POTEI: variants seen among roughly 807,000 people sequenced by gnomAD.
POTEI encodes the protein POTE ankyrin domain family member I, also known as POTE ankyrin domain family, member I.
POTEI carries 14 observed loss-of-function variants against 43.4 expected under a neutral mutation model. The ratio of observed to expected loss-of-function variants is 0.32; its 90% CI spans 0.21 to 0.50. The LOEUF (loss-of-function observed/expected upper bound fraction) is 0.50. Among genes scored for constraint, POTEI ranks in the 20% least tolerant of loss-of-function variants. The probability of loss-of-function intolerance (pLI) is 0.98; values close to 1 mark genes in which losing one functional copy is unlikely to be tolerated. For synonymous variants in POTEI, 95 were observed against 297.9 expected (o/e 0.32, Z 7.01); for missense variants, 235 against 795.4 (o/e 0.30, Z 8.47).
At chr2:130,468,444 G>A (rs1345368483) in intron 13 of POTEI, among the ~76,000 whole-genome samples, 1 of 152,212 alleles carries the variant, frequency 6.6e-6, no homozygotes, top group Non-Finnish European at 1.5e-5. Flanking sequence ...GAGGCCTCAG[G>A]AAACTTAACA....
chr2:130,474,023 C>T (rs1300064269), intron 13 of POTEI, among the ~76,000 whole-genome samples: 5 of 143,700 alleles, frequency 3.5e-5, no homozygotes, highest in Non-Finnish European at 6.0e-5. Flanking sequence ...AACTACCTTT[C>T]GAGTATTTTG....
Position 130,477,042 on chromosome 2 carries a change from C to T in POTEI, c.1481-341G>A, listed in dbSNP as rs576304085. Among the ~76,000 whole-genome samples the T allele has an allele frequency of 1.7e-4, 25 of 149,156 alleles. No homozygotes were observed. The East Asian group carries it at 3.9e-3, about 23-fold the overall frequency. ...ACTGTTCTCCACTTCCTAATAGTAC[C>T]TTATAAATGATTTCCAAAATCACTG... On this transcript the variant is annotated intron_variant, in intron 10 of 14. Coordinates refer to ENST00000451531, the MANE Select transcript of POTEI (RefSeq NM_001277406.2).
In POTEI at chr2:130,479,399, C is replaced by T. The variant is rs1248539996; in HGVS notation, c.1480+2604G>A. 3.9e-4 allele frequency among the ~76,000 whole-genome samples: 41 copies of T among 105,598 alleles called. 1 individual carries two copies. The highest frequency in any genetic ancestry group is 1.3e-3 in the African/African-American group (34 of 26,854). The allele number at this position is 105,598 out of a possible 152,430, so 69.3% of individuals were successfully genotyped here. On this transcript the variant is annotated intron_variant, in intron 10 of 14. Transcript: ENST00000451531. ...GTGAAAACCTTATAATACATTGATG[C>T]TACTCCAAGGATGTGTAACATGGAA...
At chr2:130,495,297 AATG>A (rs1316982703) in intron 6 of POTEI, among the ~76,000 whole-genome samples, 1 of 47,024 alleles carries the variant, frequency 2.1e-5, no homozygotes, top group African/African-American at 4.7e-5. Context: ...TGAAAATGGC[AATG>A]ATAAGAAAAA....
At chr2:130,476,569 C>A (rs1308035957) in intron 11 of POTEI, 62 bp downstream of exon 11, 1 of 77,828 alleles carries the variant, frequency 1.3e-5, no homozygotes, top group Admixed American at 2.2e-4. Context: ...GGACTATCTA[C>A]TATTATTAAG....
rs752779591 is a variant in POTEI at position 130,508,908 on chromosome 2, T to C, written c.328A>G (p.Arg110Gly). Residue 110 changes from arginine to glycine, a missense_variant, in exon 1 of 15, where the codon AGG becomes GGG. Transcript: ENST00000451531. ...CCCACGTTGCTCTTGCCGCTCCCCC[T>C]GCAGCAGGGGAAGCAGTGGCAGCAC... ...KWCCHCFPCC[R>G]GSGKSNVGAW... 75 of 1,593,222 alleles carry C rather than the reference T, an allele frequency of 4.7e-5. 4 individuals carry two copies. The Admixed American group carries it at 5.3e-4, about 11-fold the overall frequency.
chr2:130,488,193 T>G lies in POTEI; in HGVS notation c.1248A>C (p.Glu416Asp). Residue 416 changes from glutamate to aspartate, a missense_variant, in exon 9 of 15, where the codon GAA (glutamate) becomes GAC (aspartate). Glu to Asp is a conservative substitution (Grantham distance 45, BLOSUM62 2). Transcript: ENST00000451531. ...TACTTTCATGCTTCTTCATTTCTTC[T>G]TCAACCTTGAGTGGGATATTAAGGA... The part of the protein sequence containing the change: ...EINKDGDREV[E>D]EEMKKHESNN... 5.6e-6 allele frequency: 1 copy of G among 177,890 alleles called. No individual in the cohort carries two copies. The highest frequency in any genetic ancestry group is 9.6e-6 in the Non-Finnish European group (1 of 104,612). The allele number at this position is 177,890 out of a possible 1,614,324, so 11.0% of individuals were successfully genotyped here.
At chr2:130,474,835 T>C (rs1353570729) in intron 12 of POTEI, 72 bp downstream of exon 12, 4 of 239,524 alleles carry the variant, frequency 1.7e-5, no homozygotes, top group Middle Eastern at 2.5e-3. Flanking sequence ...TATGCCTACA[T>C]TTACTACACT....
chr2:130,498,007 T>C (rs925508291), intron 5 of POTEI, among the ~76,000 whole-genome samples: 1 of 138,690 alleles, frequency 7.2e-6, no homozygotes, highest in Non-Finnish European at 1.6e-5. Context: ...GAGATGGAAG[T>C]AGCTTCCACG....
At position 130,509,002 on chromosome 2, in the gene POTEI, G is replaced by A. The variant is rs1404743336; in HGVS notation, c.234C>T (p.Ser78=). The change falls in exon 1 of 15, where the codon AGC becomes AGT. Residue 78 remains serine (S), a synonymous_variant. Coordinates refer to ENST00000451531, the MANE Select transcript of POTEI (RefSeq NM_001277406.2). ...CGTGGTCTCCAGAAGTGCCCACGTT[G>A]CTCTTGCCACTCCCCCTGCAGCAGG... ...CFPCCRGSGK[S]NVGTSGDHDD... is the part of the protein sequence containing the mutation. 1.3e-6 allele frequency: 2 copies of A among 1,518,852 alleles called. 1 individual carries two copies. Among genetic ancestry groups the A allele is most frequent in the East Asian group, 4.7e-5 (2 of 42,992 alleles). The allele number at this position is 1,518,852 out of a possible 1,614,324, so 94.1% of individuals were successfully genotyped here.
chr2:130,483,756 G>T (rs995299416), intron 9 of POTEI, among the ~76,000 whole-genome samples: 2 of 148,928 alleles, frequency 1.3e-5, no homozygotes, highest in Non-Finnish European at 3.0e-5. Flanking sequence ...CACCACACCC[G>T]GTTAATTTTT....
intron 5 of POTEI, among the ~76,000 whole-genome samples, chr2:130,498,323 G>T (rs1443771053): frequency 2.8e-5 from 1 of 35,164 alleles, no homozygotes; most frequent in African/African-American, 9.1e-5. Context: ...TAAGATGTGG[G>T]TTCCACATTA....
chr2:130,464,983 G>A (rs1473540531), intron 14 of POTEI, among the ~76,000 whole-genome samples: 1 of 148,276 alleles, frequency 6.7e-6, no homozygotes, highest in Non-Finnish European at 1.5e-5. Context: ...ACAACTTATA[G>A]AGATTTTCTT....
At position 130,461,602 on chromosome 2, in the gene POTEI, T is replaced by A. The variant is rs1165298478; in HGVS notation, c.*1214A>T. ...TGGGGGCCTGCCCCTCTCCGGGAGC[T>A]CTGTCCCAGGAACATTTCACATTTC... On this transcript the variant is annotated 3_prime_UTR_variant, in exon 15 of 15. Transcript: ENST00000451531. 2 of 152,166 alleles carry A rather than the reference T, an allele frequency of 1.3e-5. No individual in the cohort carries two copies. Among genetic ancestry groups the A allele is most frequent in the African/African-American group, 4.8e-5 (2 of 41,488 alleles). 9.4% of individuals were successfully genotyped at this position (152,166 alleles called of 1,614,324 possible). A position where few individuals can be genotyped will look rare whatever the true frequency, so the allele number is the denominator to read the frequency against.
At chr2:130,485,199 A>C (rs1381125288) in intron 9 of POTEI, among the ~76,000 whole-genome samples, 1 of 151,588 alleles carries the variant, frequency 6.6e-6, no homozygotes, top group African/African-American at 2.4e-5. Context: ...TCACTAGCAT[A>C]TACACAATAG....
Position 130,508,874 on chromosome 2 carries a change from C to G in POTEI, c.362G>C (p.Gly121Ala). The G allele has an allele frequency of 1.9e-6, 3 of 1,582,578 alleles. No homozygotes were observed. Among genetic ancestry groups the G allele is most frequent in the Non-Finnish European group, 2.6e-6 (3 of 1,169,048 alleles). The change falls in exon 1 of 15, where the codon GGA (glycine) becomes GCA (alanine). Residue 121 changes from glycine to alanine, a missense_variant. Coordinates refer to ENST00000451531, the MANE Select transcript of POTEI (RefSeq NM_001277406.2). Reference sequence around the variant, plus strand: ...CACGAAGGCGCTGTCGTCGTAGTCTCCCCAAGCACCCACGTTGCTCTTGCC... The same window carrying G: ...CACGAAGGCGCTGTCGTCGTAGTCTGCCCAAGCACCCACGTTGCTCTTGCC... Reference protein sequence around the residue: ...GSGKSNVGAWGDYDDSAFVEP... With the variant: ...GSGKSNVGAWADYDDSAFVEP...
At chr2:130,468,840 C>CA (rs1682950304) in intron 13 of POTEI, among the ~76,000 whole-genome samples, 1 of 152,024 alleles carries the variant, frequency 6.6e-6, no homozygotes, top group African/African-American at 2.4e-5. Flanking sequence ...CCTATTCAGT[C>CA]AAAATATAGA....
At chr2:130,483,596 C>CTTATT (rs1558886971) in intron 9 of POTEI, among the ~76,000 whole-genome samples, 1 of 16,558 alleles carries the variant, frequency 6.0e-5, no homozygotes, top group African/African-American at 1.3e-4. Flanking sequence ...CCATGTCAAA[C>CTTATT]TTGTTTTTTT....
chr2:130,461,515 T>A lies in POTEI; in HGVS notation c.*1301A>T, dbSNP rs1272145910. On this transcript the variant is annotated 3_prime_UTR_variant, in exon 15 of 15. Transcript: ENST00000451531. Reference sequence around the variant, plus strand: ...TGTGCTGAGGTACCTCTTCCACCCCTTGTCAGCTTGGGCTCTCCAAAGCCC... The same window carrying A: ...TGTGCTGAGGTACCTCTTCCACCCCATGTCAGCTTGGGCTCTCCAAAGCCC... The A allele has an allele frequency of 6.6e-6, 1 of 152,264 alleles. No homozygotes were observed. The highest frequency in any genetic ancestry group is 1.5e-5 in the Non-Finnish European group (1 of 68,076). The allele number at this position is 152,264 out of a possible 1,614,324, so 9.4% of individuals were successfully genotyped here. A position where few individuals can be genotyped will look rare whatever the true frequency, so the allele number is the denominator to read the frequency against.
Sources: gnomAD v4.1 joint callset for allele counts (sites outside exome capture counted in the v4.1 genomes callset) on GRCh38, gnomAD v4.1.1 for gene constraint, MANE v1.5 for transcripts, NCBI Gene and HGNC (gene_info 2026-07-23, HGNC 2026-07-21) for gene names.